The following SLC39A12 variants were observed in gnomAD, a reference collection of about 807,000 sequenced individuals.
SLC39A12 encodes the protein solute carrier family 39 member 12.
In SLC39A12, 63 loss-of-function variants were observed where a neutral mutation model predicts 71.1. The ratio of observed to expected loss-of-function variants is 0.89; its 90% CI spans 0.72 to 1.09. The LOEUF is 1.09. Ranked by LOEUF, SLC39A12 falls within the 50% of genes least tolerant of loss-of-function variation. SLC39A12 has a pLI of 0.00. For synonymous variants in SLC39A12, 351 were observed against 301.3 expected (o/e 1.16, Z -1.71); for missense variants, 892 against 812.6 (o/e 1.10, Z -1.19).
rs781876660 is a variant in SLC39A12, at chr10:17,953,442, C to A, written c.166C>A (p.Pro56Thr). ...ACAGGTTCTCTCTGCTGGTGACCAC[C>A]CACCCCACAACCACTCAAGAAGCCT... ...LLQVLSAGDH[P>T]PHNHSRSLIK... is the part of the protein sequence containing the mutation. Residue 56 changes from proline to threonine, a missense_variant, in exon 2 of 13, where the codon CCA (proline) becomes ACA (threonine). Transcript: ENST00000377369. The A allele has an allele frequency of 4.3e-6, 7 of 1,614,140 alleles. No individual in the cohort carries two copies. The highest frequency in any genetic ancestry group is 5.9e-6 in the Non-Finnish European group (7 of 1,180,028).
Position 17,987,662 on chromosome 10 carries a change from C to T in SLC39A12, c.1269+11C>T, listed in dbSNP as rs202131149. 9.9e-6 allele frequency: 16 copies of T among 1,613,500 alleles called. No individual in the cohort carries two copies. The East Asian group carries it at 3.6e-4, about 36-fold the overall frequency. The stretch of plus-strand genomic sequence containing the variant: ...CACCTTATCCCTCAGGTAATCTGGT[C>T]TTTTCCATTTCAGATAAAGTTCACT... On this transcript the variant is annotated intron_variant, in intron 7 of 12. Coordinates refer to ENST00000377369, the MANE Select transcript of SLC39A12 (RefSeq NM_001145195.2).
chr10:18,003,238 C>T lies in SLC39A12; in HGVS notation c.1827C>T (p.Ser609=), dbSNP rs751239449. 5.0e-6 allele frequency: 8 copies of T among 1,614,068 alleles called. No individual in the cohort carries two copies. Among genetic ancestry groups the T allele is most frequent in the Non-Finnish European group, 6.8e-6 (8 of 1,179,974 alleles). The stretch of plus-strand genomic sequence containing the variant: ...CTGCCATCCTGATGAATTTTATAAG[C>T]TCCCTAACTGCCTTCATGGGATTAT... ...MKTAILMNFI[S]SLTAFMGLYI... Residue 609 remains serine (S), a synonymous_variant, in exon 12 of 13, where the codon AGC becomes AGT. Coordinates refer to ENST00000377369, the MANE Select transcript of SLC39A12 (RefSeq NM_001145195.2).
chr10:17,999,732 G>A (rs1211300100), intron 10 of SLC39A12, among the ~76,000 whole-genome samples: 5 of 151,912 alleles, frequency 3.3e-5, no homozygotes, highest in African/African-American at 1.2e-4. Flanking sequence ...AAGTTATCTT[G>A]CAGAAAGAAG....
intron 12 of SLC39A12, among the ~76,000 whole-genome samples, chr10:18,026,454 T>C (rs932252198): frequency 2.0e-5 from 3 of 152,300 alleles, no homozygotes; most frequent in Middle Eastern, 6.8e-3. Flanking sequence ...AGATATTTTT[T>C]TCATCTGGTT....
intron 2 of SLC39A12, among the ~76,000 whole-genome samples, chr10:17,961,010 T>C (rs1554848317): frequency 6.6e-6 from 1 of 152,180 alleles, no homozygotes; most frequent in East Asian, 1.9e-4. Context: ...GTTCCTTGTA[T>C]TTCTATCAGA....
intron 10 of SLC39A12, among the ~76,000 whole-genome samples, chr10:17,999,990 T>A (rs1483845471): frequency 6.6e-6 from 1 of 152,170 alleles, no homozygotes; most frequent in Non-Finnish European, 1.5e-5. Flanking sequence ...GGGAAGTTTG[T>A]CTTGGCCCAC....
chr10:18,019,264 G>A (rs879359283), intron 12 of SLC39A12, among the ~76,000 whole-genome samples: 1 of 151,872 alleles, frequency 6.6e-6, no homozygotes, highest in Non-Finnish European at 1.5e-5. Context: ...TCCAGTATCA[G>A]TACTTTGTAT....
chr10:17,971,757 T>A (rs866463559), intron 4 of SLC39A12, among the ~76,000 whole-genome samples: 1 of 152,284 alleles, frequency 6.6e-6, no homozygotes, highest in South Asian at 2.1e-4. Flanking sequence ...GGCTTGTCAA[T>A]GTTCTTTAAC....
intron 6 of SLC39A12, among the ~76,000 whole-genome samples, chr10:17,984,820 A>G (rs1835360107): frequency 6.6e-6 from 1 of 152,242 alleles, no homozygotes; most frequent in Non-Finnish European, 1.5e-5. Context: ...CTATACCCAT[A>G]GAAGAACAAC....
At chr10:18,036,985 C>T (rs1837069340) in intron 12 of SLC39A12, among the ~76,000 whole-genome samples, 1 of 151,428 alleles carries the variant, frequency 6.6e-6, no homozygotes, top group Non-Finnish European at 1.5e-5. Context: ...CTGCGTTTCA[C>T]CATATTGGCC....
chr10:18,035,016 C>T (rs1378362013), intron 12 of SLC39A12, among the ~76,000 whole-genome samples: 56 of 149,446 alleles, frequency 3.7e-4, no homozygotes, highest in Non-Finnish European at 5.8e-4. Flanking sequence ...CCGAGAGATC[C>T]GCTGTTAGTC....
Position 17,987,607 on chromosome 10 carries a change from G to T in SLC39A12, c.1225G>T (p.Val409Phe). The change falls in exon 7 of 13, where the codon GTC becomes TTC. Residue 409 changes from valine to phenylalanine, a missense_variant. By Grantham distance (50) the Val-to-Phe change is conservative. Transcript: ENST00000377369. ...LILQLFVGLAVGTLSGDALLH... is the reference protein window; with the variant it reads ...LILQLFVGLAFGTLSGDALLH... Reference sequence around the variant, plus strand: ...CTTACAGCTGTTTGTGGGCTTGGCCGTCGGGACACTGTCTGGGGACGCTCT... The same window carrying T: ...CTTACAGCTGTTTGTGGGCTTGGCCTTCGGGACACTGTCTGGGGACGCTCT... 1.2e-6 allele frequency: 2 copies of T among 1,614,144 alleles called. No individual in the cohort carries two copies. Among genetic ancestry groups the T allele is most frequent in the Non-Finnish European group, 1.7e-6 (2 of 1,180,028 alleles).
At chr10:17,981,221 T>C in intron 5 of SLC39A12, 91 bp from the exon 6 acceptor site, 1 of 1,166,310 alleles carries the variant, frequency 8.6e-7, no homozygotes, top group Non-Finnish European at 1.2e-6. Context: ...CGCTATTCCA[T>C]CTAGAATTCA....
At chr10:18,036,429 C>T (rs970181187) in intron 12 of SLC39A12, among the ~76,000 whole-genome samples, 8 of 152,082 alleles carry the variant, frequency 5.3e-5, no homozygotes, top group Non-Finnish European at 7.4e-5. Context: ...CGTCCGTCAC[C>T]CCTTTCTTTG....
intron 12 of SLC39A12, among the ~76,000 whole-genome samples, chr10:18,017,571 G>T (rs1485934137): frequency 6.6e-6 from 1 of 152,192 alleles, no homozygotes; most frequent in African/African-American, 2.4e-5. Flanking sequence ...TGTGAAGAAT[G>T]TAAGACTGTG....
chr10:17,965,782 C>T (rs1322531578), intron 4 of SLC39A12, 92 bp downstream of exon 4: 92 of 1,031,662 alleles, frequency 8.9e-5, no homozygotes, highest in Non-Finnish European at 1.3e-4. Flanking sequence ...TGACTGAATT[C>T]GTTCAGGTAT....
At chr10:18,036,186 C>T (rs1475020934) in intron 12 of SLC39A12, among the ~76,000 whole-genome samples, 2 of 152,246 alleles carry the variant, frequency 1.3e-5, no homozygotes, top group African/African-American at 4.8e-5. Context: ...CCAGTTCCAG[C>T]TTCAGGGCTG....
intron 12 of SLC39A12, chr10:18,008,735 A>C (rs1170592402): frequency 6.6e-6 from 1 of 152,122 alleles, no homozygotes; most frequent in Non-Finnish European, 1.5e-5. Context: ...AAAACTAGCA[A>C]TACCTATCTA....
At chr10:18,005,865 A>T (rs1009597496) in intron 12 of SLC39A12, 4 of 150,504 alleles carry the variant, frequency 2.7e-5, no homozygotes, top group Non-Finnish European at 5.9e-5. Flanking sequence ...AAAAAAAAAT[A>T]CTTGTGAGTT....
Sources: gnomAD v4.1 joint callset for allele counts (sites outside exome capture counted in the v4.1 genomes callset) on GRCh38, gnomAD v4.1.1 for gene constraint, MANE v1.5 for transcripts, NCBI Gene and HGNC (gene_info 2026-07-23, HGNC 2026-07-21) for gene names.